The following FKBP15 variants were observed in gnomAD, a reference collection of about 807,000 sequenced individuals.
FKBP15 encodes FK506-binding protein 15.
In FKBP15, 106 loss-of-function variants were observed where a neutral mutation model predicts 158.1. The ratio of observed to expected loss-of-function variants is 0.67; its 90% CI spans 0.57 to 0.79. The LOEUF (loss-of-function observed/expected upper bound fraction) is 0.79. FKBP15 is among the 30% of genes least tolerant of loss of function. The pLI, the probability that FKBP15 is intolerant of heterozygous loss-of-function variation, is 0.00. For synonymous variants in FKBP15, 547 were observed against 548.6 expected, an observed-to-expected ratio of 1.00 and a Z score of 0.04; for missense variants, 1,287 against 1,479.1, an observed-to-expected ratio of 0.87 and a Z score of 2.13.
In FKBP15 at chr9:113,184,270, G is replaced by A. The variant is rs747170722; in HGVS notation, c.1716+22C>T. ...ATGGGTAAGACCTTCAGCCTGAGTG[G>A]TATGTTCTTAATCACCCTCACCTGA... On this transcript the variant is annotated intron_variant, in intron 17 of 27. Coordinates refer to ENST00000238256, the MANE Select transcript of FKBP15 (RefSeq NM_015258.2). The surrounding 1 kb of genome is among the most constrained non-coding windows in gnomAD (Gnocchi z 4.5). 2 of 1,524,898 alleles carry A rather than the reference G, an allele frequency of 1.3e-6. No homozygotes were observed. The highest frequency in any genetic ancestry group is 1.2e-5 in the South Asian group (1 of 84,734). The allele number at this position is 1,524,898 out of a possible 1,614,324, so 94.5% of individuals were successfully genotyped here.
At chr9:113,215,652 T>A (rs1323442584) in intron 1 of FKBP15, among the ~76,000 whole-genome samples, 72 of 127,412 alleles carry the variant, frequency 5.7e-4, no homozygotes, top group South Asian at 1.4e-3. Context: ...ATATTTTTTT[T>A]TTTTTTTTTT....
intron 4 of FKBP15, among the ~76,000 whole-genome samples, chr9:113,205,340 T>C (rs908933912): frequency 1.1e-4 from 16 of 152,154 alleles, no homozygotes; most frequent in African/African-American, 2.4e-4. Context: ...CAATCCAATT[T>C]TTAAAATGGA....
intron 6 of FKBP15, among the ~76,000 whole-genome samples, chr9:113,201,149 A>G (rs183618433): frequency 2.0e-5 from 3 of 151,658 alleles, no homozygotes; most frequent in African/African-American, 4.8e-5. Flanking sequence ...AAAAAGGATC[A>G]TTCTAAATGC....
At chr9:113,204,865 G>C (rs183425004) in intron 4 of FKBP15, among the ~76,000 whole-genome samples, 1 of 151,998 alleles carries the variant, frequency 6.6e-6, no homozygotes, top group African/African-American at 2.4e-5. Flanking sequence ...CATCCCTTTT[G>C]TACTTTTCCT....
At chr9:113,190,133 T>C (rs1236521386) in intron 12 of FKBP15, among the ~76,000 whole-genome samples, 1 of 152,188 alleles carries the variant, frequency 6.6e-6, no homozygotes, top group Non-Finnish European at 1.5e-5. Flanking sequence ...ATCTAAACAT[T>C]CGCTCAATAA....
intron 1 of FKBP15, among the ~76,000 whole-genome samples, chr9:113,217,432 G>A (rs983963203): frequency 2.6e-5 from 4 of 151,454 alleles, no homozygotes; most frequent in Non-Finnish European, 5.9e-5. Flanking sequence ...GGCTGGTCTC[G>A]AACTCCTGAC....
At chr9:113,205,435 G>C (rs1386887229) in intron 4 of FKBP15, among the ~76,000 whole-genome samples, 1 of 151,950 alleles carries the variant, frequency 6.6e-6, no homozygotes, top group Admixed American at 6.6e-5. Flanking sequence ...TTAGACATTG[G>C]GTAAAATGCA....
Position 113,166,479 on chromosome 9 carries a change from G to A in FKBP15, c.3583-324C>T, listed in dbSNP as rs763158224. Reference sequence around the variant, plus strand: ...TACACATTTTGTGTGGAGAAAGAAGGGTCAAAGAGGAAACACTGGAGCAGT... The same window carrying A: ...TACACATTTTGTGTGGAGAAAGAAGAGTCAAAGAGGAAACACTGGAGCAGT... On this transcript the variant is annotated intron_variant, in intron 27 of 27. Coordinates refer to ENST00000238256, the MANE Select transcript of FKBP15 (RefSeq NM_015258.2). Among the ~76,000 whole-genome samples, 7 of 152,196 alleles carry A rather than the reference G, an allele frequency of 4.6e-5. No individual in the cohort carries two copies. In the South Asian group the frequency reaches 6.2e-4, roughly 14 times the overall value.
chr9:113,179,106 T>G (rs1394519262), intron 19 of FKBP15, among the ~76,000 whole-genome samples: 1 of 151,970 alleles, frequency 6.6e-6, no homozygotes, highest in African/African-American at 2.4e-5. Context: ...CATAGCTCAC[T>G]GTAGCCTCGG....
chr9:113,183,943 T>C lies in FKBP15; in HGVS notation c.1717-98A>G, dbSNP rs1410419241. ...GAACTGACAGGTGACATTGTTAACATGTTTTGAGACAAAACACTAGAACTT... is the reference window on the plus strand; with the variant it reads ...GAACTGACAGGTGACATTGTTAACACGTTTTGAGACAAAACACTAGAACTT... On this transcript the variant is annotated intron_variant, in intron 17 of 27. Coordinates refer to ENST00000238256, the MANE Select transcript of FKBP15 (RefSeq NM_015258.2). The C allele has an allele frequency of 4.6e-6, 4 of 866,344 alleles. No individual in the cohort carries two copies. In the East Asian group the frequency reaches 7.3e-5, roughly 16 times the overall value. The allele number at this position is 866,344 out of a possible 1,614,324, so 53.7% of individuals were successfully genotyped here.
chr9:113,191,120 G>C (rs1202407660), intron 11 of FKBP15, among the ~76,000 whole-genome samples: 3 of 152,042 alleles, frequency 2.0e-5, no homozygotes, highest in Admixed American at 6.6e-5. Context: ...ACCTGAAGGT[G>C]CACAATATGA....
rs759345947 is a variant in FKBP15 at position 113,169,398 on chromosome 9, T to G, written c.3311A>C (p.Glu1104Ala). The change falls in exon 26 of 28, where the codon GAG (glutamate) becomes GCG (alanine). Residue 1104 changes from glutamate to alanine, a missense_variant. By Grantham distance (107) the Glu-to-Ala change is moderately radical (BLOSUM62 -1). Coordinates refer to ENST00000238256, the MANE Select transcript of FKBP15 (RefSeq NM_015258.2). Reference sequence around the variant, plus strand: ...AGGCCCTAAGGCCAGTGGGTCCCCCTCCTCGGGGTCTGAAGTCAGGGACAG... The same window carrying G: ...AGGCCCTAAGGCCAGTGGGTCCCCCGCCTCGGGGTCTGAAGTCAGGGACAG... ...TRLSLTSDPE[E>A]GDPLALGPES... 3 of 1,614,028 alleles carry G rather than the reference T, an allele frequency of 1.9e-6. No individual in the cohort carries two copies. The highest frequency in any genetic ancestry group is 2.7e-5 in the African/African-American group (2 of 75,060).
intron 4 of FKBP15, chr9:113,206,059 T>C (rs1830880328): frequency 6.5e-6 from 1 of 154,242 alleles, no homozygotes; most frequent in Non-Finnish European, 1.4e-5. Flanking sequence ...CACTTTCTGT[T>C]TGGGAAATGG....
chr9:113,162,756 TTG>T lies in FKBP15; in HGVS notation c.*3320_*3321del. 6.2e-7 allele frequency: 1 copy of T among 1,611,790 alleles called. No individual in the cohort carries two copies. Among genetic ancestry groups the T allele is most frequent in the Non-Finnish European group, 8.5e-7 (1 of 1,178,798 alleles). ...CTTCTCCTTTTTATCTAGGTGGTATTTGTGTCACTTTGGCCAGTCTCTAATCC... is the reference window on the plus strand; with the variant it reads ...CTTCTCCTTTTTATCTAGGTGGTATTTGTCACTTTGGCCAGTCTCTAATCC... On this transcript the variant is annotated 3_prime_UTR_variant, in exon 28 of 28. Transcript: ENST00000238256.
chr9:113,188,780 T>A (rs904683673), intron 12 of FKBP15, among the ~76,000 whole-genome samples: 12 of 152,222 alleles, frequency 7.9e-5, no homozygotes, highest in Non-Finnish European at 4.4e-5. Context: ...GCAGCTAAAC[T>A]AACCACTCTT....
At position 113,206,519 on chromosome 9, in the gene FKBP15, G is replaced by C. The variant is rs1288891437; in HGVS notation, c.314C>G (p.Thr105Arg). 6.2e-7 allele frequency: 1 copy of C among 1,613,616 alleles called. No individual in the cohort carries two copies. Among genetic ancestry groups the C allele is most frequent in the East Asian group, 2.2e-5 (1 of 44,890 alleles). ...KFGAAVLGNHTAREYRILLYI... is the reference protein window; with the variant it reads ...KFGAAVLGNHRAREYRILLYI... ...TGGGAGCACTCTCACCTCTCTGGCT[G>C]TGTGGTTCCCCAGAACTGCAGCACC... The change falls in exon 4 of 28, where the codon ACA becomes AGA. Residue 105 changes from threonine (T) to arginine (R), a missense_variant. By Grantham distance (71) the Thr-to-Arg change is moderately conservative. Coordinates refer to ENST00000238256, the MANE Select transcript of FKBP15 (RefSeq NM_015258.2).
At position 113,176,567 on chromosome 9, in the gene FKBP15, G is replaced by A; in HGVS notation, c.2193C>T (p.Asp731=). Residue 731 remains aspartate, a synonymous_variant, in exon 21 of 28, where the codon GAC becomes GAT. Coordinates refer to ENST00000238256, the MANE Select transcript of FKBP15 (RefSeq NM_015258.2). ...KVTSLEEELT[D]LRVEKESLEK... is the part of the protein sequence containing the mutation. ...CCAAGGACTCCTTCTCAACTCGAAG[G>A]TCAGTCAGTTCCTCCTCCAGGGATG... is the stretch of plus-strand genomic sequence containing the variant. 1.3e-5 allele frequency: 20 copies of A among 1,564,496 alleles called. No homozygotes were observed. The highest frequency in any genetic ancestry group is 1.7e-5 in the Non-Finnish European group (20 of 1,152,324).
rs1265747554 is a variant in FKBP15 at position 113,174,936 on chromosome 9, G to A, written c.2224-353C>T. 6.3e-5 allele frequency among the ~76,000 whole-genome samples: 2 copies of A among 31,830 alleles called. 1 individual carries two copies. Among genetic ancestry groups the A allele is most frequent in the Non-Finnish European group, 1.3e-4 (2 of 15,486 alleles). The allele number at this position is 31,830 out of a possible 152,430, so 20.9% of individuals were successfully genotyped here. A position where few individuals can be genotyped will look rare whatever the true frequency, so the allele number is the denominator to read the frequency against. On this transcript the variant is annotated intron_variant, in intron 21 of 27. Coordinates refer to ENST00000238256, the MANE Select transcript of FKBP15 (RefSeq NM_015258.2). ...AAATTAGCCGGGCGTAGTGGCGGGCGCCTGTAGTCCCAGCTACTTGGGAGG... is the reference window on the plus strand; with the variant it reads ...AAATTAGCCGGGCGTAGTGGCGGGCACCTGTAGTCCCAGCTACTTGGGAGG...
Position 113,164,104 on chromosome 9 carries a change from C to T in FKBP15, c.*1974G>A, listed in dbSNP as rs1327841880. The T allele has an allele frequency of 6.9e-6, 1 of 144,920 alleles. No individual in the cohort carries two copies. Among genetic ancestry groups the T allele is most frequent in the Non-Finnish European group, 1.5e-5 (1 of 64,856 alleles). 9.0% of individuals were successfully genotyped at this position (144,920 alleles called of 1,614,324 possible). On this transcript the variant is annotated 3_prime_UTR_variant, in exon 28 of 28. Coordinates refer to ENST00000238256, the MANE Select transcript of FKBP15 (RefSeq NM_015258.2). Reference sequence around the variant, plus strand: ...GTAAGCTTTGGGAATTAAAAACAAACAAATACATTTTAGTAAATATATATT... The same window carrying T: ...GTAAGCTTTGGGAATTAAAAACAAATAAATACATTTTAGTAAATATATATT...
Sources: allele counts gnomAD v4.1 joint callset (sites outside exome capture counted in the v4.1 genomes callset), GRCh38; gene constraint gnomAD v4.1.1; non-coding constraint Gnocchi (gnomAD v3.1); transcripts MANE v1.5; gene names NCBI Gene and HGNC (gene_info 2026-07-23, HGNC 2026-07-21).